Variants in SLC25A25 observed in about 807,000 individuals in gnomAD.
The protein encoded by SLC25A25 is solute carrier family 25 member 25.
In SLC25A25, 32 loss-of-function variants were observed where a neutral mutation model predicts 57.7. The observed-to-expected ratio is 0.55, with a 90% CI of 0.42 to 0.74. SLC25A25 has a LOEUF of 0.74. SLC25A25 is among the 30% of genes least tolerant of loss of function. The probability of loss-of-function intolerance (pLI) is 0.00; values close to 1 mark genes in which losing one functional copy is unlikely to be tolerated. For synonymous variants in SLC25A25, 306 were observed against 291.2 expected (o/e 1.05, Z -0.52); for missense variants, 556 against 701.3 (o/e 0.79, Z 2.34).
chr9:128,093,540 G>A (rs1023986076), intron 1 of SLC25A25, among the ~76,000 whole-genome samples: 5 of 152,214 alleles, frequency 3.3e-5, no homozygotes, highest in Admixed American at 6.5e-5. Flanking sequence ...CTGGCCTGCA[G>A]AATCAAGAGA....
rs1834091216 is a variant in SLC25A25, at chr9:128,107,322, G to A, written c.1426G>A (p.Glu476Lys). The change falls in exon 11 of 11, where the codon GAG (glutamate) becomes AAG (lysine). Residue 476 changes from glutamate to lysine, a missense_variant. Transcript: ENST00000373069. ...CCTCTTCAAACATATCCTGCGGACC[G>A]AGGGGGCCTTCGGGCTGTACAGGGG... ...SSLFKHILRTEGAFGLYRGLA... is the reference protein window; with the variant it reads ...SSLFKHILRTKGAFGLYRGLA... The A allele has an allele frequency of 2.6e-6, 4 of 1,551,588 alleles. No individual in the cohort carries two copies. The highest frequency in any genetic ancestry group is 1.8e-5 in the Admixed American group (1 of 54,284).
chr9:128,070,344 C>T (rs1391557615), intron 1 of SLC25A25, among the ~76,000 whole-genome samples: 10 of 151,178 alleles, frequency 6.6e-5, no homozygotes, highest in African/African-American at 1.5e-4. Flanking sequence ...GTGATCCGCC[C>T]GCCTCAGCCT....
At chr9:128,087,184 A>C (rs1196560675) in intron 1 of SLC25A25, among the ~76,000 whole-genome samples, 1 of 147,254 alleles carries the variant, frequency 6.8e-6, no homozygotes, top group Non-Finnish European at 1.5e-5. Flanking sequence ...CATTGCAGCC[A>C]GCCTCAGCCT....
At chr9:128,079,898 G>C (rs1462581626) in intron 1 of SLC25A25, among the ~76,000 whole-genome samples, 1 of 152,144 alleles carries the variant, frequency 6.6e-6, no homozygotes, top group Non-Finnish European at 1.5e-5. Context: ...GGCTGAGGCA[G>C]GAGAATCGCT....
At chr9:128,100,246 C>T (rs1049417051) in intron 1 of SLC25A25, among the ~76,000 whole-genome samples, 4 of 152,086 alleles carry the variant, frequency 2.6e-5, no homozygotes, top group South Asian at 2.1e-4. Context: ...GCCCTGCGGC[C>T]GGTGCTAGGT....
In SLC25A25 at chr9:128,073,796, G is replaced by A. The variant is rs148775564; in HGVS notation, c.261+5216G>A. Reference sequence around the variant, plus strand: ...GTCACCCAGGCTGGAGTGCAGTGGCGTGATCTCAGCTCACTGAAACCTCTA... The same window carrying A: ...GTCACCCAGGCTGGAGTGCAGTGGCATGATCTCAGCTCACTGAAACCTCTA... On this transcript the variant is annotated intron_variant, in intron 1 of 10. Transcript: ENST00000373069. Among the ~76,000 whole-genome samples, 682 of 151,376 alleles carry A rather than the reference G, an allele frequency of 4.5e-3. 5 individuals are homozygous for A. Among genetic ancestry groups the A allele is most frequent in the African/African-American group, 0.016 (642 of 41,168 alleles).
At chr9:128,106,081 A>T (rs1834019935) in intron 7 of SLC25A25, 69 bp from the exon 8 acceptor site, 4 of 1,594,252 alleles carry the variant, frequency 2.5e-6, no homozygotes, top group Admixed American at 1.7e-5. Context: ...GGACTCCTGG[A>T]AGGGAGGGGC....
intron 1 of SLC25A25, among the ~76,000 whole-genome samples, chr9:128,080,776 T>A (rs1833140081): frequency 6.6e-6 from 1 of 152,098 alleles, no homozygotes; most frequent in Non-Finnish European, 1.5e-5. Context: ...TTGCTTTTGG[T>A]TAAGGCCTTT....
chr9:128,092,595 G>A (rs540567377), intron 1 of SLC25A25, among the ~76,000 whole-genome samples: 10 of 152,078 alleles, frequency 6.6e-5, no homozygotes, highest in Non-Finnish European at 1.2e-4. Context: ...GACTGGGTCC[G>A]AGGAGAGGCT....
chr9:128,071,861 G>A (rs760465043), intron 1 of SLC25A25, among the ~76,000 whole-genome samples: 3 of 151,198 alleles, frequency 2.0e-5, no homozygotes, highest in East Asian at 3.9e-4. Flanking sequence ...ACAGGCGCCC[G>A]CCACCATGGC....
chr9:128,104,130 C>T (rs1235687674), intron 6 of SLC25A25, among the ~76,000 whole-genome samples: 1 of 152,156 alleles, frequency 6.6e-6, no homozygotes, highest in Non-Finnish European at 1.5e-5. Context: ...TCTGTAAGTA[C>T]GTTTTGTGTA....
intron 1 of SLC25A25, chr9:128,092,139 C>A: frequency 3.2e-6 from 5 of 1,570,092 alleles, no homozygotes; most frequent in Non-Finnish European, 2.6e-6. Context: ...GGTCTGGGAT[C>A]ATTTTCCTGG....
chr9:128,071,726 A>AT (rs550342199), intron 1 of SLC25A25, among the ~76,000 whole-genome samples: 141 of 146,178 alleles, frequency 9.6e-4, no homozygotes, highest in Non-Finnish European at 1.4e-3. Flanking sequence ...TATCTATTTT[A>AT]TTTTTTTTTG....
At chr9:128,106,873 A>C (rs1048099900) in intron 9 of SLC25A25, among the ~76,000 whole-genome samples, 156 bp from the exon 10 acceptor site, 1 of 152,096 alleles carries the variant, frequency 6.6e-6, no homozygotes, top group African/African-American at 2.4e-5. Context: ...CGGAATTCCC[A>C]GTGACAGCAG....
chr9:128,084,166 T>G (rs1833223144), intron 1 of SLC25A25, among the ~76,000 whole-genome samples: 1 of 151,940 alleles, frequency 6.6e-6, no homozygotes. Flanking sequence ...CGCGAAAAAC[T>G]AATTCAGGCC....
intron 1 of SLC25A25, among the ~76,000 whole-genome samples, chr9:128,081,030 G>A (rs1314987332): frequency 6.6e-6 from 1 of 152,156 alleles, no homozygotes; most frequent in East Asian, 1.9e-4. Flanking sequence ...GTTTGCCAGA[G>A]TCTCTTCCTC....
At chr9:128,088,525 C>T (rs1207850359) in intron 1 of SLC25A25, among the ~76,000 whole-genome samples, 1 of 152,196 alleles carries the variant, frequency 6.6e-6, no homozygotes, top group Non-Finnish European at 1.5e-5. Flanking sequence ...TGGGTTCCAC[C>T]TGGCTTCTCT....
intron 1 of SLC25A25, among the ~76,000 whole-genome samples, chr9:128,090,236 A>T (rs1166026680): frequency 6.6e-6 from 1 of 151,756 alleles, no homozygotes; most frequent in Admixed American, 6.6e-5. Context: ...TTTTGAGATG[A>T]AATTTCGCTC....
At chr9:128,098,907 T>C (rs1263159427) in intron 1 of SLC25A25, 4 of 985,348 alleles carry the variant, frequency 4.1e-6, no homozygotes, top group East Asian at 2.3e-4. Context: ...CCGGTTTTCA[T>C]GTGACTTCCC....
Sources: allele counts gnomAD v4.1 joint callset (sites outside exome capture counted in the v4.1 genomes callset), GRCh38; gene constraint gnomAD v4.1.1; transcripts MANE v1.5; gene names NCBI Gene and HGNC (gene_info 2026-07-23, HGNC 2026-07-21).